SPRED1: variants seen among roughly 807,000 people sequenced by gnomAD.
The protein encoded by SPRED1 is sprouty-related, EVH1 domain-containing protein 1.
Under a neutral mutation model 52.3 loss-of-function variants are expected in SPRED1, and 18 were observed. The ratio of observed to expected loss-of-function variants is 0.34; its 90% CI spans 0.24 to 0.51. The LOEUF (loss-of-function observed/expected upper bound fraction) is 0.51, where lower values mean the gene tolerates loss of function less well. Among genes scored for constraint, SPRED1 ranks in the 20% least tolerant of loss-of-function variants. The probability of loss-of-function intolerance (pLI) is 0.97; values close to 1 mark genes in which losing one functional copy is unlikely to be tolerated. For missense variants in SPRED1, 485 were observed against 551.0 expected, an observed-to-expected ratio of 0.88 and a Z score of 1.20; for synonymous variants, 155 against 179.7, an observed-to-expected ratio of 0.86 and a Z score of 1.10.
intron 1 of SPRED1, among the ~76,000 whole-genome samples, chr15:38,284,707 T>TTA (rs1176483155): frequency 6.6e-6 from 1 of 152,108 alleles, no homozygotes; most frequent in Non-Finnish European, 1.5e-5. Context: ...AGACTTTTAC[T>TTA]TCACTATTCC....
At chr15:38,295,392 G>A (rs1895014284) in intron 1 of SPRED1, among the ~76,000 whole-genome samples, 1 of 152,154 alleles carries the variant, frequency 6.6e-6, no homozygotes, top group African/African-American at 2.4e-5. Context: ...GCATGTTGTT[G>A]TACTGAAAAG....
intron 2 of SPRED1, among the ~76,000 whole-genome samples, chr15:38,316,748 GTTTTT>G (rs1555390721): frequency 7.2e-5 from 3 of 41,908 alleles, no homozygotes; most frequent in Admixed American, 5.7e-4. Context: ...TCCATTATAT[GTTTTT>G]TTTTTTTTTT....
chr15:38,331,312 T>A lies in SPRED1; in HGVS notation c.423+6503T>A, dbSNP rs149410321. Among the ~76,000 whole-genome samples the A allele has an allele frequency of 2.2e-3, 328 of 152,300 alleles. 2 individuals are homozygous for A. The highest frequency in any genetic ancestry group is 7.5e-3 in the African/African-American group (313 of 41,598). On this transcript the variant is annotated intron_variant, in intron 4 of 6. Transcript: ENST00000299084. ...AAGCTAGAGGTCATGCCAGTGTATT[T>A]ACAGTCTTTGTGCCTATCATATATT...
In SPRED1 at chr15:38,301,249, A is replaced by G. The variant is rs991548207; in HGVS notation, c.207+1702A>G. ...TGGCTTTAACATAAATAAAGCTAGT[A>G]AAAATAAACCTGAGATTCAGAAAGA... On this transcript the variant is annotated intron_variant, in intron 2 of 6. Coordinates refer to ENST00000299084, the MANE Select transcript of SPRED1 (RefSeq NM_152594.3). Among the ~76,000 whole-genome samples the G allele has an allele frequency of 7.9e-5, 12 of 152,152 alleles. 1 individual carries two copies. Among genetic ancestry groups the G allele is most frequent in the Non-Finnish European group, 1.5e-4 (10 of 68,004 alleles).
At chr15:38,298,796 G>T (rs187968416) in intron 1 of SPRED1, among the ~76,000 whole-genome samples, 1 of 152,142 alleles carries the variant, frequency 6.6e-6, no homozygotes, top group Non-Finnish European at 1.5e-5. Context: ...CAATTTGCTT[G>T]TTAAGTAATC....
chr15:38,346,736 T>C (rs1208243251), intron 5 of SPRED1, among the ~76,000 whole-genome samples: 1 of 152,228 alleles, frequency 6.6e-6, no homozygotes, highest in Non-Finnish European at 1.5e-5. Flanking sequence ...CAGCTATTCA[T>C]GTGCATGAGT....
intron 2 of SPRED1, among the ~76,000 whole-genome samples, chr15:38,320,571 G>A (rs1001946066): frequency 1.3e-5 from 2 of 152,038 alleles, no homozygotes; most frequent in Non-Finnish European, 2.9e-5. Flanking sequence ...AATATCTGAG[G>A]GGATCATCAG....
chr15:38,265,018 A>G (rs977993873), intron 1 of SPRED1, among the ~76,000 whole-genome samples: 1 of 152,174 alleles, frequency 6.6e-6, no homozygotes, highest in African/African-American at 2.4e-5. Context: ...CCAATACATT[A>G]TATTGTCATT....
intron 4 of SPRED1, among the ~76,000 whole-genome samples, chr15:38,337,374 A>G (rs1020669988): frequency 6.6e-6 from 1 of 152,108 alleles, no homozygotes; most frequent in African/African-American, 2.4e-5. Flanking sequence ...TATACTTTGC[A>G]TTTTCAAACA....
At chr15:38,312,993 A>G (rs1895398620) in intron 2 of SPRED1, among the ~76,000 whole-genome samples, 1 of 151,838 alleles carries the variant, frequency 6.6e-6, no homozygotes, top group African/African-American at 2.4e-5. Context: ...GCCACATTGA[A>G]TGTATCATTT....
At chr15:38,267,588 A>G (rs1326517850) in intron 1 of SPRED1, among the ~76,000 whole-genome samples, 1 of 152,174 alleles carries the variant, frequency 6.6e-6, no homozygotes, top group Non-Finnish European at 1.5e-5. Flanking sequence ...TGTAGCTCTC[A>G]GTACATAATT....
rs909358644 is a variant in SPRED1, at chr15:38,357,136, A to G, written c.*5472A>G. 1 of 152,212 alleles carries G rather than the reference A, an allele frequency of 6.6e-6. No homozygotes were observed. The highest frequency in any genetic ancestry group is 1.5e-5 in the Non-Finnish European group (1 of 68,016). The allele number at this position is 152,212 out of a possible 1,614,324, so 9.4% of individuals were successfully genotyped here. A position where few individuals can be genotyped will look rare whatever the true frequency, so the allele number is the denominator to read the frequency against. The stretch of plus-strand genomic sequence containing the variant: ...AGAAAAAGACATCGACATCAATGGT[A>G]TGAAAGCTGTAGTCACTCTTTAAAT... On this transcript the variant is annotated 3_prime_UTR_variant, in exon 7 of 7. Coordinates refer to ENST00000299084, the MANE Select transcript of SPRED1 (RefSeq NM_152594.3).
At chr15:38,296,836 TAGG>T (rs1895049549) in intron 1 of SPRED1, among the ~76,000 whole-genome samples, 1 of 152,206 alleles carries the variant, frequency 6.6e-6, no homozygotes, top group South Asian at 2.1e-4. Context: ...GCAACAGTGT[TAGG>T]AGGTGCGGCC....
intron 5 of SPRED1, among the ~76,000 whole-genome samples, chr15:38,348,430 G>GTGTGTGTGTC (rs1199124782): frequency 6.6e-6 from 1 of 151,832 alleles, no homozygotes; most frequent in African/African-American, 2.4e-5. Context: ...GTGTGTGTGT[G>GTGTGTGTGTC]TGTGTGTGTC....
At chr15:38,319,452 T>C (rs1375702891) in intron 2 of SPRED1, among the ~76,000 whole-genome samples, 1 of 152,214 alleles carries the variant, frequency 6.6e-6, no homozygotes, top group Non-Finnish European at 1.5e-5. Flanking sequence ...TGATCTCGGC[T>C]CACTGCAACC....
chr15:38,270,200 C>G (rs1292844173), intron 1 of SPRED1, among the ~76,000 whole-genome samples: 2 of 152,216 alleles, frequency 1.3e-5, no homozygotes, highest in African/African-American at 2.4e-5. Flanking sequence ...AGCCACCATG[C>G]CCAGCCCAAA....
rs147835549 is a variant in SPRED1 at position 38,319,857 on chromosome 15, G to A, written c.208-2384G>A. On this transcript the variant is annotated intron_variant, in intron 2 of 6. Transcript: ENST00000299084. ...ATATTCAGTGGTATGCTGATAAAAG[G>A]TTTAACAATCAGCTTTCAAGAGGGG... Among the ~76,000 whole-genome samples the A allele has an allele frequency of 4.6e-5, 7 of 152,250 alleles. No homozygotes were observed. In the South Asian group the frequency reaches 1.0e-3, roughly 23 times the overall value.
chr15:38,351,793 A>C lies in SPRED1; in HGVS notation c.*129A>C. The C allele has an allele frequency of 8.8e-7, 1 of 1,139,616 alleles. No homozygotes were observed. The highest frequency in any genetic ancestry group is 1.3e-6 in the Non-Finnish European group (1 of 792,136). 70.6% of individuals were successfully genotyped at this position (1,139,616 alleles called of 1,614,324 possible). A position where few individuals can be genotyped will look rare whatever the true frequency, so the allele number is the denominator to read the frequency against. On this transcript the variant is annotated 3_prime_UTR_variant, in exon 7 of 7. Transcript: ENST00000299084. ...CATTGAGCCCACACATGGAGGAAGC[A>C]GAACTCATCAGTTCTTGGCGTTTCA...
At chr15:38,292,960 T>C (rs1209795264) in intron 1 of SPRED1, among the ~76,000 whole-genome samples, 1 of 152,164 alleles carries the variant, frequency 6.6e-6, no homozygotes, top group Non-Finnish European at 1.5e-5. Flanking sequence ...CACATAACAA[T>C]GAGCCAGGCA....
Sources: gnomAD v4.1 joint callset for allele counts (sites outside exome capture counted in the v4.1 genomes callset) on GRCh38, gnomAD v4.1.1 for gene constraint, MANE v1.5 for transcripts, NCBI Gene and HGNC (gene_info 2026-07-23, HGNC 2026-07-21) for gene names.